The following POLR2F variants were observed in gnomAD, a reference collection of about 807,000 sequenced individuals.
The protein encoded by POLR2F is RNA polymerase II, I and III subunit F, also known as DNA-directed RNA polymerases I, II, and III subunit RPABC2.
A neutral mutation model predicts 22.7 loss-of-function variants in POLR2F; 12 were observed. The observed-to-expected ratio is 0.53, with a 90% confidence interval of 0.34 to 0.86. The LOEUF is 0.86. POLR2F is among the 40% of genes least tolerant of loss of function. The pLI is 0.02. For missense variants in POLR2F, 126 were observed against 171.5 expected (o/e 0.73, Z 1.48); for synonymous variants, 57 against 66.0 (o/e 0.86, Z 0.66).
At chr22:38,025,652 A>C in intron 1 of POLR2F, 3 of 1,564,518 alleles carry the variant, frequency 1.9e-6, no homozygotes, top group Non-Finnish European at 2.6e-6. Context: ...CTCTTTCAGC[A>C]TCTCCTCCCG....
intron 1 of POLR2F, among the ~76,000 whole-genome samples, chr22:38,001,711 T>G (rs972592018): frequency 1.3e-5 from 2 of 151,184 alleles, no homozygotes; most frequent in African/African-American, 4.9e-5. Context: ...TTTTGTATTT[T>G]TAGTAGAGAT....
intron 1 of POLR2F, among the ~76,000 whole-genome samples, chr22:38,015,616 T>A (rs909632131): frequency 1.3e-5 from 2 of 152,156 alleles, no homozygotes; most frequent in African/African-American, 4.8e-5. Context: ...TGGGTTGGAA[T>A]CCCGGCTCTG....
chr22:37,962,357 C>T (rs1030376048), intron 3 of POLR2F, among the ~76,000 whole-genome samples: 1 of 152,246 alleles, frequency 6.6e-6, no homozygotes, highest in Non-Finnish European at 1.5e-5. Context: ...CAGCACTGGG[C>T]TGTTGCCTCC....
In POLR2F at chr22:37,967,798, C is replaced by A; in HGVS notation, c.*83C>A. On this transcript the variant is annotated 3_prime_UTR_variant, in exon 5 of 5. Transcript: ENST00000442738. ...TGTAAATAATAAAATATTCAACTTT[C>A]CAACCCCCTTCCCCTCTGCTTATCT... 6.6e-7 allele frequency: 1 copy of A among 1,521,802 alleles called. No homozygotes were observed. Among genetic ancestry groups the A allele is most frequent in the Non-Finnish European group, 8.8e-7 (1 of 1,137,372 alleles). 94.3% of individuals were successfully genotyped at this position (1,521,802 alleles called of 1,614,324 possible). A position where few individuals can be genotyped will look rare whatever the true frequency, so the allele number is the denominator to read the frequency against.
At chr22:38,002,163 T>TA (rs373590480) in intron 1 of POLR2F, among the ~76,000 whole-genome samples, 1 of 151,176 alleles carries the variant, frequency 6.6e-6, no homozygotes, top group Non-Finnish European at 1.5e-5. Flanking sequence ...TTTTTTTTTT[T>TA]AATTTATTTT....
At chr22:37,975,928 A>T (rs755783679) in intron 4 of POLR2F, among the ~76,000 whole-genome samples, 3 of 151,918 alleles carry the variant, frequency 2.0e-5, no homozygotes, top group African/African-American at 7.3e-5. Context: ...CTCTCTCTAT[A>T]TATATACTAT....
At chr22:37,967,519 GCTC>G (rs781447719) in intron 4 of POLR2F, 103 bp from the exon 5 acceptor site, 3 of 1,523,866 alleles carry the variant, frequency 2.0e-6, no homozygotes, top group African/African-American at 2.8e-5. Flanking sequence ...CCAAGAGGCT[GCTC>G]CTAAGACTTC....
chr22:38,013,073 AC>A (rs2084885042), intron 1 of POLR2F, among the ~76,000 whole-genome samples: 1 of 148,066 alleles, frequency 6.8e-6, no homozygotes, highest in African/African-American at 2.5e-5. Flanking sequence ...CTTAGTTATG[AC>A]TTCCTTCCCT....
chr22:37,976,963 T>C (rs1226478315), intron 4 of POLR2F, among the ~76,000 whole-genome samples: 1 of 151,782 alleles, frequency 6.6e-6, no homozygotes, highest in Non-Finnish European at 1.5e-5. Context: ...GCTCAGGAGT[T>C]TGAGACTGGG....
chr22:38,040,038 G>T (rs1214680746), intron 5 of POLR2F, among the ~76,000 whole-genome samples: 2 of 152,106 alleles, frequency 1.3e-5, no homozygotes, highest in African/African-American at 4.8e-5. Context: ...CTTTAGTAGG[G>T]TGAGGTGGGA....
chr22:37,961,663 AAC>A (rs1478076163), intron 3 of POLR2F, among the ~76,000 whole-genome samples: 1 of 152,208 alleles, frequency 6.6e-6, no homozygotes, highest in Admixed American at 6.5e-5. Context: ...ACCCTCTGCC[AAC>A]AGATGGCTTT....
rs1026395787 is a variant in POLR2F at position 38,016,459 on chromosome 22, G to A, written c.121-9410G>A. Among the ~76,000 whole-genome samples, 2 of 152,236 alleles carry A rather than the reference G, an allele frequency of 1.3e-5. No homozygotes were observed. Among genetic ancestry groups the A allele is most frequent in the East Asian group, 1.9e-4 (1 of 5,200 alleles). On this transcript the variant is annotated intron_variant, in intron 1 of 2. Transcript: ENST00000333418. This position sits in a 1 kb window ranked among gnomAD's most constrained non-coding sequence, Gnocchi z 4.4. ...GGACCATTGTGTCCGAAGGGTTAAC[G>A]AGGGATGTGAGGAAGGGGCCCTTTA... is the stretch of plus-strand genomic sequence containing the variant.
intron 4 of POLR2F, 168 bp downstream of exon 4, chr22:37,967,338 C>A (rs748484175): frequency 4.8e-6 from 7 of 1,473,474 alleles, no homozygotes; most frequent in Non-Finnish European, 5.4e-6. Flanking sequence ...GAAGAGGAGG[C>A]AGGGAAAGTG....
chr22:37,956,759 T>C lies in POLR2F; in HGVS notation c.21-14T>C. 1 of 1,609,326 alleles carries C rather than the reference T, an allele frequency of 6.2e-7. No individual in the cohort carries two copies. The highest frequency in any genetic ancestry group is 1.1e-5 in the South Asian group (1 of 90,994). On this transcript the variant is annotated splice_polypyrimidine_tract_variant and intron_variant, in intron 1 of 4. Transcript: ENST00000442738. ...AGTGATGCTCTAAGTAACTGATCTC[T>C]TCTTCCTGTACAGTTTTGATGGCGA...
intron 1 of POLR2F, among the ~76,000 whole-genome samples, chr22:38,010,316 A>G (rs1231805651): frequency 2.0e-5 from 3 of 152,010 alleles, no homozygotes; most frequent in East Asian, 1.9e-4. Context: ...TTGAGGTTGC[A>G]GTGAGCTATG....
intron 4 of POLR2F, among the ~76,000 whole-genome samples, chr22:37,976,261 A>G (rs1344272339): frequency 6.6e-6 from 1 of 152,174 alleles, no homozygotes; most frequent in African/African-American, 2.4e-5. Context: ...GAGTCTTACT[A>G]CATTGCCCAT....
At chr22:38,011,550 C>T (rs1418877286) in intron 1 of POLR2F, among the ~76,000 whole-genome samples, 2 of 151,346 alleles carry the variant, frequency 1.3e-5, no homozygotes, top group African/African-American at 2.4e-5. Flanking sequence ...TTGTCTCTTA[C>T]ACCTTAGTTG....
intron 1 of POLR2F, among the ~76,000 whole-genome samples, chr22:38,009,851 G>A (rs2084856067): frequency 6.6e-6 from 1 of 152,188 alleles, no homozygotes; most frequent in Non-Finnish European, 1.5e-5. Context: ...TGTATCTGTA[G>A]TTTATCCTTT....
intron 1 of POLR2F, among the ~76,000 whole-genome samples, chr22:38,005,216 C>G (rs1483866442): frequency 6.6e-6 from 1 of 152,232 alleles, no homozygotes; most frequent in African/African-American, 2.4e-5. Flanking sequence ...GTTATTACCA[C>G]CTATTTCCAA....
Sources: allele counts gnomAD v4.1 joint callset (sites outside exome capture counted in the v4.1 genomes callset), GRCh38; gene constraint gnomAD v4.1.1; non-coding constraint Gnocchi (gnomAD v3.1); transcripts MANE v1.5; gene names NCBI Gene and HGNC (gene_info 2026-07-23, HGNC 2026-07-21).